Variants in TENM4 observed in about 807,000 individuals in gnomAD.
TENM4 encodes teneurin transmembrane protein 4, also known as teneurin-4.
In TENM4, 82 loss-of-function variants were observed where a neutral mutation model predicts 243.3. The observed-to-expected ratio is 0.34, with a 90% confidence interval of 0.28 to 0.40. The LOEUF (loss-of-function observed/expected upper bound fraction) is 0.40, where lower values mean the gene tolerates loss of function less well. Ranked by LOEUF, TENM4 falls within the 10% of genes least tolerant of loss-of-function variation. TENM4 has a pLI of 1.00. For synonymous variants in TENM4, 1,412 were observed against 1,456.3 expected, an observed-to-expected ratio of 0.97 and a Z score of 0.69; for missense variants, 3,138 against 3,673.3, an observed-to-expected ratio of 0.85 and a Z score of 3.77.
rs200736466 is a variant in TENM4, at chr11:79,350,853, T to G, written c.-320-53310A>C. ...AGTGATTTTTTAAAAAGTGTATCAA[T>G]CATGTCATTCTTCTGCTCAGAACCC... On this transcript the variant is annotated intron_variant, in intron 1 of 33. Coordinates refer to ENST00000278550, the MANE Select transcript of TENM4 (RefSeq NM_001098816.3). 3.9e-5 allele frequency among the ~76,000 whole-genome samples: 6 copies of G among 152,210 alleles called. No homozygotes were observed. The East Asian group carries it at 1.2e-3, about 29-fold the overall frequency.
chr11:79,366,128 A>C (rs1276683551), intron 1 of TENM4, among the ~76,000 whole-genome samples: 1 of 152,174 alleles, frequency 6.6e-6, no homozygotes, highest in African/African-American at 2.4e-5. Flanking sequence ...GCCATTTTAT[A>C]GGTTGTATTC....
chr11:78,723,093 A>T (rs1565349461), intron 23 of TENM4, among the ~76,000 whole-genome samples, 176 bp from the exon 24 acceptor site: 4 of 152,240 alleles, frequency 2.6e-5, no homozygotes, highest in Admixed American at 2.6e-4. Context: ...TGTCCTAAAC[A>T]AGTCATACAG....
In TENM4 at chr11:78,800,736, G is replaced by GGAGA. The variant is rs5792816; in HGVS notation, c.2179+4552_2179+4555dup. 2.0e-3 allele frequency among the ~76,000 whole-genome samples: 289 copies of GGAGA among 144,372 alleles called. 5 individuals carry two copies. The South Asian group carries it at 0.041, about 21-fold the overall frequency. The allele number at this position is 144,372 out of a possible 152,430, so 94.7% of individuals were successfully genotyped here. A position where few individuals can be genotyped will look rare whatever the true frequency, so the allele number is the denominator to read the frequency against. ...GCCCTGACCTCACAGAGTTCACAGG[G>GGAGA]GAGAGAGAGAGAGAGAGAGAGAGAG... On this transcript the variant is annotated intron_variant, in intron 15 of 33. Coordinates refer to ENST00000278550, the MANE Select transcript of TENM4 (RefSeq NM_001098816.3).
chr11:78,689,811 C>G (rs1239037902), intron 28 of TENM4, among the ~76,000 whole-genome samples: 1 of 152,232 alleles, frequency 6.6e-6, no homozygotes, highest in Non-Finnish European at 1.5e-5. Flanking sequence ...CTAACAGTCC[C>G]TGGCACACTC....
At chr11:78,770,691 G>T (rs1164938989) in intron 18 of TENM4, among the ~76,000 whole-genome samples, 1 of 152,224 alleles carries the variant, frequency 6.6e-6, no homozygotes, top group African/African-American at 2.4e-5. Context: ...AACTTTGCCA[G>T]ACATCTCATC....
chr11:79,337,359 T>A (rs974665675), intron 1 of TENM4, among the ~76,000 whole-genome samples: 3 of 152,242 alleles, frequency 2.0e-5, no homozygotes, highest in Non-Finnish European at 2.9e-5. Context: ...GTATACCATG[T>A]GATCGTGCCT....
At chr11:79,254,251 G>C (rs1307193779) in intron 2 of TENM4, among the ~76,000 whole-genome samples, 1 of 152,016 alleles carries the variant, frequency 6.6e-6, no homozygotes, top group African/African-American at 2.4e-5. Flanking sequence ...CTAGAAAAAC[G>C]TAAGTGTCTT....
At chr11:79,030,861 C>T (rs1258219621) in intron 6 of TENM4, among the ~76,000 whole-genome samples, 1 of 152,126 alleles carries the variant, frequency 6.6e-6, no homozygotes, top group African/African-American at 2.4e-5. Flanking sequence ...AGCAGGCCCC[C>T]GCCAAGGCCC....
intron 2 of TENM4, among the ~76,000 whole-genome samples, chr11:79,228,402 CAG>C (rs1864312320): frequency 6.6e-6 from 1 of 152,218 alleles, no homozygotes; most frequent in Non-Finnish European, 1.5e-5. Flanking sequence ...AGGTGCAGAA[CAG>C]CAGGGCTGTT....
chr11:79,356,730 T>C (rs1309687450), intron 1 of TENM4, among the ~76,000 whole-genome samples: 1 of 151,750 alleles, frequency 6.6e-6, no homozygotes, highest in Non-Finnish European at 1.5e-5. Context: ...TTATTAGTCC[T>C]AAATGATGGA....
At chr11:78,909,080 T>C (rs1856125255) in intron 6 of TENM4, among the ~76,000 whole-genome samples, 1 of 152,140 alleles carries the variant, frequency 6.6e-6, no homozygotes, top group Admixed American at 6.5e-5. Context: ...ATAATAGTAA[T>C]GGCAATAAAA....
intron 33 of TENM4, among the ~76,000 whole-genome samples, chr11:78,660,412 C>T (rs1352899197): frequency 6.6e-6 from 1 of 151,882 alleles, no homozygotes. Flanking sequence ...CAGTACTTAC[C>T]CTCTTGGGGC....
intron 6 of TENM4, among the ~76,000 whole-genome samples, chr11:79,062,988 G>A (rs1481424735): frequency 6.6e-6 from 1 of 152,110 alleles, no homozygotes; most frequent in Non-Finnish European, 1.5e-5. Flanking sequence ...CCTTCACAGG[G>A]CTGGCTGGGG....
intron 2 of TENM4, among the ~76,000 whole-genome samples, chr11:79,219,408 T>G (rs964695118): frequency 6.6e-6 from 1 of 152,150 alleles, no homozygotes; most frequent in African/African-American, 2.4e-5. Context: ...TCTAGGAAGA[T>G]GAATGTGGCA....
intron 4 of TENM4, among the ~76,000 whole-genome samples, chr11:79,088,376 C>T (rs1399680766): frequency 6.6e-6 from 1 of 152,174 alleles, no homozygotes; most frequent in East Asian, 1.9e-4. Flanking sequence ...AGGTCATCAC[C>T]ATCTGAACCT....
At chr11:78,760,003 C>T (rs1174562964) in intron 18 of TENM4, among the ~76,000 whole-genome samples, 1 of 152,196 alleles carries the variant, frequency 6.6e-6, no homozygotes, top group Non-Finnish European at 1.5e-5. Context: ...CCTCTTCCAG[C>T]CTCTTGGACA....
intron 1 of TENM4, among the ~76,000 whole-genome samples, chr11:79,303,633 C>G: frequency 6.6e-6 from 1 of 152,102 alleles, no homozygotes; most frequent in Non-Finnish European, 1.5e-5. Flanking sequence ...GAGAGGCTAA[C>G]AAAATTGCCT....
At chr11:79,129,886 T>C (rs1365385141) in intron 4 of TENM4, among the ~76,000 whole-genome samples, 1 of 152,174 alleles carries the variant, frequency 6.6e-6, no homozygotes, top group East Asian at 1.9e-4. Flanking sequence ...CTACCACAGC[T>C]GAGGCTCTCT....
chr11:78,843,048 G>A (rs1349618456), intron 12 of TENM4, among the ~76,000 whole-genome samples: 3 of 152,090 alleles, frequency 2.0e-5, no homozygotes, highest in African/African-American at 7.2e-5. Context: ...GGAGGCCGAG[G>A]CGGGTGGATC....
Sources: allele counts gnomAD v4.1 joint callset (sites outside exome capture counted in the v4.1 genomes callset), GRCh38; gene constraint gnomAD v4.1.1; transcripts MANE v1.5; gene names NCBI Gene and HGNC (gene_info 2026-07-23, HGNC 2026-07-21).